PGK1: variants seen among roughly 807,000 people sequenced by gnomAD.
PGK1 encodes the protein PRP 2.
In PGK1, 3 loss-of-function variants were observed where a neutral mutation model predicts 26.9. That is an observed-to-expected ratio of 0.11 (90% CI 0.05 to 0.29). The LOEUF is 0.29. Ranked by LOEUF, PGK1 falls within the 10% of genes least tolerant of loss-of-function variation. PGK1 has a pLI of 1.00. For synonymous variants in PGK1, 125 were observed against 115.3 expected, an observed-to-expected ratio of 1.08 and a Z score of -0.54; for missense variants, 270 against 314.7, an observed-to-expected ratio of 0.86 and a Z score of 1.07.
chrX:78,107,547 C>T (rs1353137400), intron 1 of PGK1, among the ~76,000 whole-genome samples: 1 of 112,111 alleles, frequency 8.9e-6, no homozygotes, highest in Non-Finnish European at 1.9e-5. Flanking sequence ...AAAATTTATC[C>T]ACATTGTCAC....
chrX:78,124,722 T>C (rs2078373578), intron 8 of PGK1, 152 bp from the exon 9 acceptor site: 2 of 510,460 alleles, frequency 3.9e-6, no homozygotes, highest in South Asian at 5.2e-5. Flanking sequence ...TTTTTGAGTA[T>C]AAAGGGCATG....
intron 2 of PGK1, among the ~76,000 whole-genome samples, chrX:78,110,127 G>GT (rs2078292861): frequency 9.0e-6 from 1 of 111,110 alleles, no homozygotes; most frequent in African/African-American, 3.3e-5. Context: ...CCCTTCCCTT[G>GT]TTTTTTGAAA....
intron 4 of PGK1, among the ~76,000 whole-genome samples, chrX:78,115,853 A>G (rs1161054306): frequency 9.0e-6 from 1 of 110,730 alleles, no homozygotes; most frequent in Non-Finnish European, 1.9e-5. Flanking sequence ...GTTTTTCCTT[A>G]AATATCTTTT....
In PGK1 at chrX:78,125,396, G is replaced by C; in HGVS notation, c.1184G>C (p.Gly395Ala). ...GATAAAGTCAGCCATGTGAGCACTGGGGGTGGTGCCAGTTTGGAGCTCCTG... is the reference window on the plus strand; with the variant it reads ...GATAAAGTCAGCCATGTGAGCACTGCGGGTGGTGCCAGTTTGGAGCTCCTG... ...TEDKVSHVSTGGGASLELLEG... is the reference protein window; with the variant it reads ...TEDKVSHVSTAGGASLELLEG... Residue 395 changes from glycine to alanine, a missense_variant, in exon 10 of 11, where the codon GGG becomes GCG. Gly to Ala is a moderately conservative substitution (Grantham distance 60). Around this residue, in one of 3 missense-constraint regions of PGK1, gnomAD observed 103 missense variants for 114.6 expected, o/e 0.90. Coordinates refer to ENST00000373316, the MANE Select transcript of PGK1 (RefSeq NM_000291.4). The C allele has an allele frequency of 8.3e-7, 1 of 1,206,697 alleles. No individual in the cohort carries two copies. Among genetic ancestry groups the C allele is most frequent in the Non-Finnish European group, 1.1e-6 (1 of 890,819 alleles).
intron 1 of PGK1, among the ~76,000 whole-genome samples, chrX:78,107,053 T>C (rs954725638): frequency 3.6e-5 from 4 of 111,343 alleles, no homozygotes; most frequent in African/African-American, 1.3e-4. Flanking sequence ...TGAGAGTTTT[T>C]AATGGAACTG....
intron 10 of PGK1, among the ~76,000 whole-genome samples, 155 bp from the exon 11 acceptor site, chrX:78,125,635 G>C (rs1306063081): frequency 9.0e-6 from 1 of 111,674 alleles, no homozygotes; most frequent in Non-Finnish European, 1.9e-5. Context: ...TTATGGTCTA[G>C]TAGACCTGGA....
At chrX:78,125,260 GTT>G in intron 9 of PGK1, 65 bp from the exon 10 acceptor site, 1 of 913,202 alleles carries the variant, frequency 1.1e-6, no homozygotes, top group Non-Finnish European at 1.6e-6. Flanking sequence ...CTGCCTTACA[GTT>G]TTGGTGCCAA....
intron 4 of PGK1, among the ~76,000 whole-genome samples, chrX:78,116,289 A>G: frequency 8.9e-6 from 1 of 112,122 alleles, no homozygotes; most frequent in Admixed American, 9.4e-5. Context: ...GTCTCCTTAC[A>G]TTTGAGCATT....
rs1414414634 is a variant in PGK1 at position 78,129,246 on chromosome X, T to TATCTATCTA, written c.*3417_*3425dup. The TATCTATCTA allele has an allele frequency of 1.5e-4, 17 of 110,615 alleles. No individual in the cohort carries two copies. The highest frequency in any genetic ancestry group is 5.3e-4 in the African/African-American group (16 of 30,300). The allele number at this position is 110,615 out of a possible 1,213,427, so 9.1% of individuals were successfully genotyped here. Reference sequence around the variant, plus strand: ...CTATCTATCTATCTATCTATCTATCTATCTATCTATCTATCTGTATATAGA... The same window carrying TATCTATCTA: ...CTATCTATCTATCTATCTATCTATCTATCTATCTAATCTATCTATCTATCTGTATATAGA... On this transcript the variant is annotated 3_prime_UTR_variant, in exon 11 of 11. Transcript: ENST00000373316.
intron 2 of PGK1, among the ~76,000 whole-genome samples, chrX:78,112,244 G>T (rs781925422): frequency 4.5e-5 from 5 of 111,325 alleles, no homozygotes; most frequent in Non-Finnish European, 9.4e-5. Context: ...CATGTTTATT[G>T]TCTCTCTCCA....
rs191694886 is a variant in PGK1, at chrX:78,129,155, C to A, written c.*3325C>A. The A allele has an allele frequency of 9.0e-6, 1 of 111,577 alleles. No individual in the cohort carries two copies. Among genetic ancestry groups the A allele is most frequent in the East Asian group, 2.8e-4 (1 of 3,541 alleles). 9.2% of individuals were successfully genotyped at this position (111,577 alleles called of 1,213,427 possible). On this transcript the variant is annotated 3_prime_UTR_variant, in exon 11 of 11. Transcript: ENST00000373316. ...AGCGGAGCTCGCAGTGAGCCGAGAT[C>A]ACGCCACTGCACTCCAGCCTGGGCA... is the stretch of plus-strand genomic sequence containing the variant.
rs782590699 is a variant in PGK1, at chrX:78,113,282, C to T, written c.117-462C>T. ...CTCTCCACTCCAGCCTGTTGGGTGA[C>T]AGAGTGAGACCCTGTCTCAACAAAA... On this transcript the variant is annotated intron_variant, in intron 2 of 10. Transcript: ENST00000373316. Among the ~76,000 whole-genome samples the T allele has an allele frequency of 8.1e-4, 90 of 110,491 alleles. 1 individual carries two copies. The highest frequency in any genetic ancestry group is 1.5e-3 in the Non-Finnish European group (80 of 52,771).
rs782585275 is a variant in PGK1 at position 78,114,204 on chromosome X, T to A, written c.417+44T>A. 1.7e-5 allele frequency: 19 copies of A among 1,135,074 alleles called. No homozygotes were observed. The East Asian group carries it at 5.4e-4, about 32-fold the overall frequency. The allele number at this position is 1,135,074 out of a possible 1,213,427, so 93.5% of individuals were successfully genotyped here. Reference sequence around the variant, plus strand: ...ACATTATTGGGGGTGAGGGCCTGAGTCTGTAAGAGACTGTGGTTGAAGAAT... The same window carrying A: ...ACATTATTGGGGGTGAGGGCCTGAGACTGTAAGAGACTGTGGTTGAAGAAT... On this transcript the variant is annotated intron_variant, in intron 4 of 10. Transcript: ENST00000373316.
At position 78,110,341 on chromosome X, in the gene PGK1, G is replaced by T. The variant is rs782780208; in HGVS notation, c.116+424G>T. Among the ~76,000 whole-genome samples, 91 of 109,165 alleles carry T rather than the reference G, an allele frequency of 8.3e-4. 1 individual carries two copies. Among genetic ancestry groups the T allele is most frequent in the African/African-American group, 3.0e-3 (91 of 30,182 alleles). 94.8% of individuals were successfully genotyped at this position (109,165 alleles called of 115,157 possible). On this transcript the variant is annotated intron_variant, in intron 2 of 10. Coordinates refer to ENST00000373316, the MANE Select transcript of PGK1 (RefSeq NM_000291.4). ...TTAAATTAAAAAAAAATTTTTTTTT[G>T]TAGAGATGGGGTCTCACTATGTTGC...
intron 1 of PGK1, chrX:78,106,706 A>G: frequency 1.5e-6 from 1 of 650,712 alleles, no homozygotes; most frequent in Non-Finnish European, 1.8e-6. Context: ...CTGACTTGTT[A>G]ATTACCAGGT....
intron 2 of PGK1, among the ~76,000 whole-genome samples, chrX:78,111,822 A>G (rs1354135506): frequency 8.9e-6 from 1 of 112,098 alleles, no homozygotes; most frequent in Non-Finnish European, 1.9e-5. Flanking sequence ...AGAGTAAAGA[A>G]ACATGTTTGG....
rs1461000209 is a variant in PGK1, at chrX:78,127,727, C to G, written c.*1897C>G. The G allele has an allele frequency of 8.9e-6, 1 of 111,746 alleles. No homozygotes were observed. The highest frequency in any genetic ancestry group is 3.3e-5 in the African/African-American group (1 of 30,738). The allele number at this position is 111,746 out of a possible 1,213,427, so 9.2% of individuals were successfully genotyped here. A position where few individuals can be genotyped will look rare whatever the true frequency, so the allele number is the denominator to read the frequency against. On this transcript the variant is annotated 3_prime_UTR_variant, in exon 11 of 11. Coordinates refer to ENST00000373316, the MANE Select transcript of PGK1 (RefSeq NM_000291.4). Reference sequence around the variant, plus strand: ...GCAAAAGAAAATTTTGGTGGTTGCTCTAAACAAAACAGAAATTTGAAAGCT... The same window carrying G: ...GCAAAAGAAAATTTTGGTGGTTGCTGTAAACAAAACAGAAATTTGAAAGCT...
At chrX:78,114,581 C>CAA (rs11330839) in intron 4 of PGK1, among the ~76,000 whole-genome samples, 1 of 94,965 alleles carries the variant, frequency 1.1e-5, no homozygotes. Context: ...AACTAAGTCT[C>CAA]AAAAAAAAAA....
intron 3 of PGK1, 50 bp downstream of exon 3, chrX:78,113,949 C>G: frequency 8.3e-7 from 1 of 1,204,679 alleles, no homozygotes. Context: ...GGGAAGTTGT[C>G]AAGCACGTTG....
Sources: allele counts gnomAD v4.1 joint callset (sites outside exome capture counted in the v4.1 genomes callset), GRCh38; gene constraint gnomAD v4.1.1; regional missense constraint gnomAD v4.1.1; transcripts MANE v1.5; gene names NCBI Gene and HGNC (gene_info 2026-07-23, HGNC 2026-07-21).